SLCO3A1: variants seen among roughly 807,000 people sequenced by gnomAD.
SLCO3A1 encodes the protein PGE1 transporter.
Under a neutral mutation model 63.1 loss-of-function variants are expected in SLCO3A1, and 27 were observed. The ratio of observed to expected loss-of-function variants is 0.43; its 90% confidence interval spans 0.32 to 0.59. SLCO3A1 has a LOEUF of 0.59. Among genes scored for constraint, SLCO3A1 ranks in the 20% least tolerant of loss-of-function variants. SLCO3A1 has a pLI of 0.09. For synonymous variants in SLCO3A1, 473 were observed against 409.9 expected (o/e 1.15, Z -1.86); for missense variants, 773 against 945.8 (o/e 0.82, Z 2.40).
At chr15:92,143,054 A>G (rs568190702) in intron 7 of SLCO3A1, among the ~76,000 whole-genome samples, 1 of 151,820 alleles carries the variant, frequency 6.6e-6, no homozygotes, top group Non-Finnish European at 1.5e-5. Flanking sequence ...ACTGCGTGCT[A>G]CAAGTATGTA....
At chr15:92,108,510 A>G (rs1007686181) in intron 4 of SLCO3A1, among the ~76,000 whole-genome samples, 5 of 152,224 alleles carry the variant, frequency 3.3e-5, no homozygotes, top group African/African-American at 9.7e-5. Flanking sequence ...TTGAGAGGCT[A>G]CACCTGGAGG....
chr15:92,136,913 T>C (rs2048064626), intron 7 of SLCO3A1, among the ~76,000 whole-genome samples: 1 of 146,232 alleles, frequency 6.8e-6, no homozygotes, highest in Non-Finnish European at 1.5e-5. Context: ...TAAGGGATGT[T>C]CTTCTACCTT....
chr15:91,915,213 A>G lies in SLCO3A1; in HGVS notation c.181-780A>G, dbSNP rs116039727. ...TTGCTAGATGGCTTCTTCAGGCCAG[A>G]TGTCCTCTCTCCATCACTTTTCTCT... On this transcript the variant is annotated intron_variant, in intron 1 of 9. Coordinates refer to ENST00000318445, the MANE Select transcript of SLCO3A1 (RefSeq NM_013272.4). Among the ~76,000 whole-genome samples, 274 of 152,204 alleles carry G rather than the reference A, an allele frequency of 1.8e-3. 1 individual carries two copies. Among genetic ancestry groups the G allele is most frequent in the African/African-American group, 6.2e-3 (259 of 41,520 alleles).
chr15:92,048,634 C>G (rs192922236), intron 2 of SLCO3A1, among the ~76,000 whole-genome samples: 1 of 152,150 alleles, frequency 6.6e-6, no homozygotes, highest in African/African-American at 2.4e-5. Flanking sequence ...CCGTCCTCTC[C>G]CTGCATTAGG....
At chr15:92,125,314 C>G (rs2047907803) in intron 5 of SLCO3A1, among the ~76,000 whole-genome samples, 1 of 152,088 alleles carries the variant, frequency 6.6e-6, no homozygotes, top group Non-Finnish European at 1.5e-5. Flanking sequence ...TGGAGCAAAA[C>G]CAACGCAGGA....
At chr15:91,934,953 C>A (rs1899355995) in intron 2 of SLCO3A1, among the ~76,000 whole-genome samples, 1 of 151,882 alleles carries the variant, frequency 6.6e-6, no homozygotes, top group South Asian at 2.1e-4. Flanking sequence ...CGTGAATTTC[C>A]TGACTTTTTT....
chr15:91,952,949 C>G (rs1458568687), intron 2 of SLCO3A1, among the ~76,000 whole-genome samples: 1 of 152,154 alleles, frequency 6.6e-6, no homozygotes, highest in Non-Finnish European at 1.5e-5. Context: ...GAGGAAGAGG[C>G]AGCTGAGTGA....
chr15:92,071,214 A>G (rs1178908506), intron 2 of SLCO3A1, among the ~76,000 whole-genome samples: 1 of 152,160 alleles, frequency 6.6e-6, no homozygotes, highest in East Asian at 1.9e-4. Flanking sequence ...GAGATGGTTG[A>G]GGAGCGGTTG....
intron 2 of SLCO3A1, among the ~76,000 whole-genome samples, chr15:92,052,822 AT>A (rs35961945): frequency 0.45 from 67,586 of 151,144 alleles, 16,550 homozygotes; most frequent in Admixed American, 0.61. Context: ...ATACATTTTA[AT>A]TTTTTTTTTC....
chr15:92,043,281 A>T (rs2046820529), intron 2 of SLCO3A1, among the ~76,000 whole-genome samples: 1 of 152,192 alleles, frequency 6.6e-6, no homozygotes, highest in Non-Finnish European at 1.5e-5. Context: ...TACAGATTTC[A>T]TGGACGGCAT....
At chr15:91,891,570 T>G (rs2151357419) in intron 1 of SLCO3A1, among the ~76,000 whole-genome samples, 1 of 152,302 alleles carries the variant, frequency 6.6e-6, no homozygotes, top group Admixed American at 6.5e-5. Flanking sequence ...TTGCATAAAC[T>G]TGAGGCTCAC....
chr15:91,879,013 G>C (rs886850513), intron 1 of SLCO3A1, among the ~76,000 whole-genome samples: 1 of 152,142 alleles, frequency 6.6e-6, no homozygotes, highest in Non-Finnish European at 1.5e-5. Context: ...ACATATCTAT[G>C]AAGTACGTGA....
chr15:91,993,342 G>A (rs1053393725), intron 2 of SLCO3A1, among the ~76,000 whole-genome samples: 3 of 152,180 alleles, frequency 2.0e-5, no homozygotes, highest in Non-Finnish European at 4.4e-5. Context: ...AGCACTTTTG[G>A]TTTGAAGTTA....
intron 2 of SLCO3A1, among the ~76,000 whole-genome samples, chr15:92,093,006 C>T (rs1358115366): frequency 6.6e-6 from 1 of 152,216 alleles, no homozygotes; most frequent in Non-Finnish European, 1.5e-5. Flanking sequence ...AGGGTGGACT[C>T]AGCCCTGTTT....
At chr15:92,035,311 T>C (rs564066476) in intron 2 of SLCO3A1, among the ~76,000 whole-genome samples, 3 of 151,956 alleles carry the variant, frequency 2.0e-5, no homozygotes, top group African/African-American at 7.2e-5. Context: ...ACTTTGCCAA[T>C]GGGAAACATC....
At chr15:92,114,098 C>G (rs74030487) in intron 4 of SLCO3A1, among the ~76,000 whole-genome samples, 1 of 152,260 alleles carries the variant, frequency 6.6e-6, no homozygotes, top group South Asian at 2.1e-4. Flanking sequence ...AGCTGGTCCT[C>G]CTGCATTTGT....
intron 2 of SLCO3A1, among the ~76,000 whole-genome samples, chr15:92,086,924 A>G (rs1188334078): frequency 2.6e-5 from 4 of 151,730 alleles, no homozygotes; most frequent in Non-Finnish European, 4.4e-5. Context: ...CAGAGGTTCC[A>G]GTGAGCTGAG....
chr15:91,980,631 G>A (rs1401378411), intron 2 of SLCO3A1, among the ~76,000 whole-genome samples: 2 of 152,032 alleles, frequency 1.3e-5, no homozygotes, highest in African/African-American at 4.8e-5. Context: ...GCGTAGCCCT[G>A]GCTGGCTTTG....
intron 1 of SLCO3A1, among the ~76,000 whole-genome samples, chr15:91,904,014 G>A (rs1192173782): frequency 7.9e-6 from 1 of 126,066 alleles, no homozygotes; most frequent in Non-Finnish European, 1.6e-5. Flanking sequence ...GTCTTCAGGA[G>A]ATGGGAAGGA....
Sources: allele counts gnomAD v4.1 joint callset (sites outside exome capture counted in the v4.1 genomes callset), GRCh38; gene constraint gnomAD v4.1.1; transcripts MANE v1.5; gene names NCBI Gene and HGNC (gene_info 2026-07-23, HGNC 2026-07-21).